RGS17: variants seen among roughly 807,000 people sequenced by gnomAD.
RGS17 encodes the protein regulator of G-protein signaling 17.
RGS17 carries 12 observed loss-of-function variants against 25.5 expected under a neutral mutation model. The ratio of observed to expected loss-of-function variants is 0.47; its 90% CI spans 0.30 to 0.76. RGS17 has a LOEUF of 0.76. RGS17 is among the 30% of genes least tolerant of loss of function. RGS17 has a pLI of 0.07. For synonymous variants in RGS17, 71 were observed against 76.9 expected, an observed-to-expected ratio of 0.92 and a Z score of 0.40; for missense variants, 196 against 242.2, an observed-to-expected ratio of 0.81 and a Z score of 1.27.
chr6:153,111,784 T>C (rs1381188992), intron 1 of RGS17, among the ~76,000 whole-genome samples: 1 of 152,178 alleles, frequency 6.6e-6, no homozygotes, highest in East Asian at 1.9e-4. Context: ...CCTCTGCTGG[T>C]GATACCCAGG....
chr6:153,006,285 A>G lies in RGS17; in HGVS notation c.*5289T>C, dbSNP rs994915923. On this transcript the variant is annotated 3_prime_UTR_variant, in exon 5 of 5. Coordinates refer to ENST00000206262, the MANE Select transcript of RGS17 (RefSeq NM_012419.5). ...AGTCTTAGCCCTATAACTCATTTAT[A>G]TATTTAGCAAGTAATTTGATATTAT... The G allele has an allele frequency of 1.8e-4, 27 of 152,432 alleles. No homozygotes were observed. The highest frequency in any genetic ancestry group is 7.3e-5 in the Non-Finnish European group (5 of 68,028). The allele number at this position is 152,432 out of a possible 1,614,324, so 9.4% of individuals were successfully genotyped here.
chr6:153,037,434 T>TC, intron 2 of RGS17, among the ~76,000 whole-genome samples: 1 of 151,738 alleles, frequency 6.6e-6, no homozygotes, highest in East Asian at 1.9e-4. Flanking sequence ...TTTTTACTTT[T>TC]TTTTTTTTTT....
intron 1 of RGS17, among the ~76,000 whole-genome samples, chr6:153,077,046 G>C (rs1028231353): frequency 3.3e-4 from 50 of 152,152 alleles, no homozygotes; most frequent in Non-Finnish European, 5.9e-4. Context: ...TCACTAATGA[G>C]GGACCACCTG....
intron 4 of RGS17, among the ~76,000 whole-genome samples, chr6:153,017,458 G>T (rs762562327): frequency 2.0e-5 from 3 of 152,034 alleles, no homozygotes; most frequent in Non-Finnish European, 4.4e-5. Flanking sequence ...GAAAATCTGG[G>T]CTAAACGGAG....
At chr6:153,064,309 A>C (rs1776677588) in intron 1 of RGS17, among the ~76,000 whole-genome samples, 2 of 152,174 alleles carry the variant, frequency 1.3e-5, no homozygotes, top group Non-Finnish European at 2.9e-5. Flanking sequence ...CAGTACAATA[A>C]GATATAAATA....
intron 1 of RGS17, among the ~76,000 whole-genome samples, chr6:153,123,415 T>A (rs1777665652): frequency 6.6e-6 from 1 of 152,208 alleles, no homozygotes; most frequent in South Asian, 2.1e-4. Context: ...AATGTCAATG[T>A]CTTTCATTTC....
chr6:153,081,359 C>T (rs1185326219), intron 1 of RGS17, among the ~76,000 whole-genome samples: 2 of 152,156 alleles, frequency 1.3e-5, no homozygotes, highest in Non-Finnish European at 2.9e-5. Flanking sequence ...TTATTCTGAA[C>T]TCCAGGTCTC....
At chr6:153,057,454 G>A (rs1345942080) in intron 1 of RGS17, among the ~76,000 whole-genome samples, 1 of 152,092 alleles carries the variant, frequency 6.6e-6, no homozygotes, top group Non-Finnish European at 1.5e-5. Context: ...AATATGGTGA[G>A]TAAACAAGCT....
intron 1 of RGS17, among the ~76,000 whole-genome samples, chr6:153,123,975 C>G (rs1312121152): frequency 6.6e-6 from 1 of 152,134 alleles, no homozygotes; most frequent in Non-Finnish European, 1.5e-5. Flanking sequence ...TGTTGTTGTT[C>G]TGATACTATG....
At chr6:153,067,422 C>A (rs961652242) in intron 1 of RGS17, among the ~76,000 whole-genome samples, 1 of 151,850 alleles carries the variant, frequency 6.6e-6, no homozygotes, top group Non-Finnish European at 1.5e-5. Flanking sequence ...CCTAAAGATT[C>A]CACTTAAAAA....
chr6:153,058,497 G>A (rs538610498), intron 1 of RGS17, among the ~76,000 whole-genome samples: 5 of 152,234 alleles, frequency 3.3e-5, no homozygotes, highest in Admixed American at 6.5e-5. Context: ...CAATCAACTC[G>A]TTATCCAACA....
intron 1 of RGS17, among the ~76,000 whole-genome samples, chr6:153,094,388 C>T (rs1166599535): frequency 1.3e-5 from 2 of 152,092 alleles, no homozygotes; most frequent in Admixed American, 6.5e-5. Flanking sequence ...GCCTACTGAA[C>T]TCTTTAAATG....
chr6:153,088,488 AT>A (rs995793054), intron 1 of RGS17, among the ~76,000 whole-genome samples: 5 of 152,026 alleles, frequency 3.3e-5, no homozygotes, highest in Admixed American at 2.6e-4. Context: ...AATAAAGCAC[AT>A]TTTTCTTAAA....
chr6:153,088,361 T>C (rs769395958), intron 1 of RGS17, among the ~76,000 whole-genome samples: 3 of 152,208 alleles, frequency 2.0e-5, no homozygotes, highest in Non-Finnish European at 4.4e-5. Context: ...AAATAACTAA[T>C]ACAGATGTTG....
At chr6:153,037,201 GACAC>G (rs71017568) in intron 2 of RGS17, among the ~76,000 whole-genome samples, 1 of 29,402 alleles carries the variant, frequency 3.4e-5, no homozygotes, top group African/African-American at 1.3e-4. Flanking sequence ...CACACACACA[GACAC>G]ACACACACAC....
intron 1 of RGS17, among the ~76,000 whole-genome samples, chr6:153,044,740 C>T (rs1776367288): frequency 6.6e-6 from 1 of 152,120 alleles, no homozygotes; most frequent in South Asian, 2.1e-4. Flanking sequence ...GGGAATTACT[C>T]TGGTGGAATT....
intron 4 of RGS17, among the ~76,000 whole-genome samples, chr6:153,018,694 T>G (rs1477281667): frequency 6.6e-6 from 1 of 152,228 alleles, no homozygotes; most frequent in African/African-American, 2.4e-5. Flanking sequence ...TCAACAAGAT[T>G]TGTCTGTCTT....
At chr6:153,074,151 T>C (rs994749671) in intron 1 of RGS17, among the ~76,000 whole-genome samples, 1 of 152,172 alleles carries the variant, frequency 6.6e-6, no homozygotes, top group Non-Finnish European at 1.5e-5. Context: ...GATGAGGAAA[T>C]GAACCCCAAC....
chr6:153,028,220 G>A (rs1186936651), intron 2 of RGS17, among the ~76,000 whole-genome samples: 5 of 152,292 alleles, frequency 3.3e-5, no homozygotes, highest in African/African-American at 1.2e-4. Flanking sequence ...ACAGGGGCAG[G>A]TTTATTGGTG....
Sources: allele counts gnomAD v4.1 joint callset (sites outside exome capture counted in the v4.1 genomes callset), GRCh38; gene constraint gnomAD v4.1.1; transcripts MANE v1.5; gene names NCBI Gene and HGNC (gene_info 2026-07-23, HGNC 2026-07-21).